The following LPIN2 variants were observed in gnomAD, a reference collection of about 807,000 sequenced individuals.
The protein encoded by LPIN2 is phosphatidate phosphatase LPIN2.
A neutral mutation model predicts 111.4 loss-of-function variants in LPIN2; 55 were observed. That is an observed-to-expected ratio of 0.49 (90% CI 0.40 to 0.62). The LOEUF (loss-of-function observed/expected upper bound fraction) is 0.62. LPIN2 is among the 20% of genes least tolerant of loss of function. The pLI is 0.00. For synonymous variants in LPIN2, 425 were observed against 414.0 expected (o/e 1.03, Z -0.32); for missense variants, 992 against 1,112.1 (o/e 0.89, Z 1.54).
At chr18:2,960,976 AATTTT>A in intron 1 of LPIN2, 127 bp from the exon 2 acceptor site, 1 of 157,322 alleles carries the variant, frequency 6.4e-6, no homozygotes, top group Non-Finnish European at 1.4e-5. Flanking sequence ...TAGCCTTATT[AATTTT>A]CAACCTAACA....
rs574890650 is a variant in LPIN2, at chr18:2,937,717, T to C, written c.1143A>G (p.Lys381=). Residue 381 remains lysine, a synonymous_variant, in exon 7 of 20, where the codon AAA becomes AAG. Coordinates refer to ENST00000677752, the MANE Select transcript of LPIN2 (RefSeq NM_001375808.2). ...EAPSESKPAA[K]VDSPSKKKGV... is the part of the protein sequence containing the mutation. ...CTTTCTTCTTTGACGGCGAGTCTAC[T>C]TTAGCTGCCGGTTTGGATTCTGAGG... 16 of 1,614,170 alleles carry C rather than the reference T, an allele frequency of 9.9e-6. No homozygotes were observed. Among genetic ancestry groups the C allele is most frequent in the Admixed American group, 8.3e-5 (5 of 60,022 alleles).
At chr18:3,003,051 T>G (rs908908677) in intron 1 of LPIN2, among the ~76,000 whole-genome samples, 2 of 152,256 alleles carry the variant, frequency 1.3e-5, no homozygotes, top group South Asian at 4.1e-4. Context: ...TGACCTCATT[T>G]AATCCTCAGA....
chr18:2,930,411 A>G (rs1227082770), intron 9 of LPIN2, among the ~76,000 whole-genome samples: 1 of 152,144 alleles, frequency 6.6e-6, no homozygotes, highest in African/African-American at 2.4e-5. Context: ...CAAACAATGA[A>G]GAGACAGGGA....
chr18:3,000,108 G>C (rs371154379), intron 1 of LPIN2, among the ~76,000 whole-genome samples: 1 of 112,740 alleles, frequency 8.9e-6, no homozygotes, highest in East Asian at 3.0e-4. Context: ...AAGAGGGGAA[G>C]GAGGGGAAGA....
chr18:3,006,920 G>A (rs1297300922), intron 1 of LPIN2, among the ~76,000 whole-genome samples: 1 of 151,826 alleles, frequency 6.6e-6, no homozygotes, highest in African/African-American at 2.4e-5. Context: ...GGATTGCTTG[G>A]GCTGGGGAGG....
chr18:2,990,171 ACTCAAAATGGATT>A (rs1374768388), intron 1 of LPIN2, among the ~76,000 whole-genome samples: 6 of 152,200 alleles, frequency 3.9e-5, no homozygotes, highest in Admixed American at 1.3e-4. Context: ...TAAAAAATTA[ACTCAAAATGGATT>A]AATGACCTAA....
intron 4 of LPIN2, among the ~76,000 whole-genome samples, chr18:2,942,566 G>A (rs1416566789): frequency 1.3e-5 from 2 of 152,150 alleles, no homozygotes; most frequent in Non-Finnish European, 2.9e-5. Context: ...AAGCAAACAG[G>A]ATTTAGTAAA....
intron 1 of LPIN2, among the ~76,000 whole-genome samples, chr18:2,993,016 G>T (rs930034324): frequency 1.3e-5 from 2 of 151,714 alleles, no homozygotes; most frequent in Non-Finnish European, 2.9e-5. Context: ...AGCCAGGTGT[G>T]GTGGTGTACA....
intron 1 of LPIN2, among the ~76,000 whole-genome samples, chr18:2,986,829 T>C (rs1281212963): frequency 1.3e-5 from 2 of 152,210 alleles, no homozygotes; most frequent in Admixed American, 6.5e-5. Flanking sequence ...CTGAACAGCC[T>C]AATTTAGGAT....
chr18:2,967,226 C>G (rs1228079994), intron 1 of LPIN2, among the ~76,000 whole-genome samples: 1 of 152,190 alleles, frequency 6.6e-6, no homozygotes, highest in African/African-American at 2.4e-5. Context: ...AGGGTCCCAA[C>G]TTTCTCCACT....
chr18:2,968,423 G>GT (rs2077843984), intron 1 of LPIN2, among the ~76,000 whole-genome samples: 2 of 152,158 alleles, frequency 1.3e-5, no homozygotes, highest in Admixed American at 6.5e-5. Context: ...AGTCACTACA[G>GT]TAAGTCCTTA....
chr18:3,001,232 G>C (rs73939706), intron 1 of LPIN2, among the ~76,000 whole-genome samples: 4,330 of 152,238 alleles, frequency 0.028, 188 homozygotes, highest in African/African-American at 0.098. Context: ...TGCCAAGAGA[G>C]AAGACAATGT....
chr18:2,946,018 ACTT>A (rs1327195222), intron 4 of LPIN2: 4 of 1,386,750 alleles, frequency 2.9e-6, no homozygotes, highest in African/African-American at 1.4e-5. Flanking sequence ...ATATACACAG[ACTT>A]CTTCTAGACT....
intron 7 of LPIN2, among the ~76,000 whole-genome samples, chr18:2,937,057 A>G (rs529037129): frequency 3.9e-5 from 6 of 152,302 alleles, no homozygotes; most frequent in Middle Eastern, 3.4e-3. Flanking sequence ...ATTCTACTTC[A>G]CTTTACTGAC....
At chr18:2,960,062 T>C (rs898406638) in intron 2 of LPIN2, among the ~76,000 whole-genome samples, 2 of 151,794 alleles carry the variant, frequency 1.3e-5, no homozygotes, top group East Asian at 3.9e-4. Flanking sequence ...CCCAGGCACT[T>C]GGGAGGCTGA....
intron 4 of LPIN2, among the ~76,000 whole-genome samples, chr18:2,944,433 G>A (rs1383897957): frequency 3.4e-4 from 44 of 127,786 alleles, no homozygotes; most frequent in Admixed American, 3.1e-4. Flanking sequence ...CTCACTGCCA[G>A]CTCCGCCTCT....
At chr18:3,004,349 A>G (rs1486984623) in intron 1 of LPIN2, among the ~76,000 whole-genome samples, 2 of 152,166 alleles carry the variant, frequency 1.3e-5, no homozygotes, top group Non-Finnish European at 1.5e-5. Context: ...GGTCCTACCA[A>G]TATGTGATGT....
chr18:2,920,373 C>T lies in LPIN2; in HGVS notation c.2611G>A (p.Ala871Thr), dbSNP rs2077035784. The change falls in exon 20 of 20, where the codon GCT becomes ACT. Residue 871 changes from alanine to threonine, a missense_variant. Physicochemically the swap from Ala to Thr is moderately conservative, Grantham distance 58. Transcript: ENST00000677752. ...GAGCTGAACTCCGGGCAGGGAAAAG[C>T]GGAATTCTGCTCCTTACTGAGAAGG... ...FPLLSKEQNS[A>T]FPCPEFSSFC... 2.5e-6 allele frequency: 4 copies of T among 1,614,086 alleles called. No homozygotes were observed. The highest frequency in any genetic ancestry group is 1.6e-4 in the Middle Eastern group (1 of 6,062).
rs1163244239 is a variant in LPIN2, at chr18:2,917,510, G to A, written c.*2783C>T. 6.6e-6 allele frequency: 1 copy of A among 152,276 alleles called. No homozygotes were observed. The highest frequency in any genetic ancestry group is 2.4e-5 in the African/African-American group (1 of 41,468). The allele number at this position is 152,276 out of a possible 1,614,324, so 9.4% of individuals were successfully genotyped here. A position where few individuals can be genotyped will look rare whatever the true frequency, so the allele number is the denominator to read the frequency against. ...CAGTTGCAGGGGCTGTTCCGGGCCA[G>A]CGCTTCCCAGTCATCCAATCTCCTT... On this transcript the variant is annotated 3_prime_UTR_variant, in exon 20 of 20. Coordinates refer to ENST00000677752, the MANE Select transcript of LPIN2 (RefSeq NM_001375808.2).
Sources: allele counts gnomAD v4.1 joint callset (sites outside exome capture counted in the v4.1 genomes callset), GRCh38; gene constraint gnomAD v4.1.1; transcripts MANE v1.5; gene names NCBI Gene and HGNC (gene_info 2026-07-23, HGNC 2026-07-21).